Variants in PCDHGA12 observed in about 807,000 individuals in gnomAD.
The protein encoded by PCDHGA12 is protocadherin gamma-A12.
In PCDHGA12, 43 loss-of-function variants were observed where a neutral mutation model predicts 61.1. The ratio of observed to expected loss-of-function variants is 0.70; its 90% CI spans 0.55 to 0.91. The LOEUF (loss-of-function observed/expected upper bound fraction) is 0.91. Among genes scored for constraint, PCDHGA12 ranks in the 40% least tolerant of loss-of-function variants. PCDHGA12 has a pLI of 0.00. For synonymous variants in PCDHGA12, 520 were observed against 542.9 expected (o/e 0.96, Z 0.59); for missense variants, 1,236 against 1,227.7 (o/e 1.01, Z -0.10).
chr5:141,455,759 A>G (rs1013283124), intron 1 of PCDHGA12, among the ~76,000 whole-genome samples: 4 of 152,300 alleles, frequency 2.6e-5, no homozygotes, highest in South Asian at 4.1e-4. Context: ...CCTGGCTCCT[A>G]GAGCCGGGGC....
intron 1 of PCDHGA12, among the ~76,000 whole-genome samples, chr5:141,492,356 G>A (rs2099739649): frequency 6.6e-6 from 1 of 152,198 alleles, no homozygotes; most frequent in Non-Finnish European, 1.5e-5. Context: ...ACTGCCACTC[G>A]CTCGCGGCCA....
chr5:141,477,719 T>C lies in PCDHGA12; in HGVS notation c.2425-17088T>C. 6.2e-7 allele frequency: 1 copy of C among 1,613,876 alleles called. No individual in the cohort carries two copies. Among genetic ancestry groups the C allele is most frequent in the Non-Finnish European group, 8.5e-7 (1 of 1,180,028 alleles). ...CTATGAGGATCGGCGGGAATTTGAA[T>C]TAACAGCTCATATCAGCGATGGGGG... On this transcript the variant is annotated intron_variant, in intron 1 of 3. Transcript: ENST00000252085. The surrounding 1 kb of genome is among the most constrained non-coding windows in gnomAD (Gnocchi z 4.9).
intron 1 of PCDHGA12, among the ~76,000 whole-genome samples, chr5:141,472,869 C>T (rs919331906): frequency 6.6e-6 from 1 of 151,388 alleles, no homozygotes; most frequent in Non-Finnish European, 1.5e-5. Context: ...GCCTGTATTC[C>T]CAGCTACTCG....
chr5:141,505,363 T>A, intron 2 of PCDHGA12, 30 bp from the exon 3 acceptor site: 1 of 1,613,360 alleles, frequency 6.2e-7, no homozygotes, highest in Non-Finnish European at 8.5e-7. Context: ...GGCCTGGGAG[T>A]CTGTGCTCAC....
intron 1 of PCDHGA12, among the ~76,000 whole-genome samples, chr5:141,453,864 G>A (rs758778743): frequency 2.6e-5 from 4 of 152,192 alleles, no homozygotes; most frequent in Non-Finnish European, 5.9e-5. Context: ...GAAAATAACA[G>A]ATGAGCAAAA....
At chr5:141,507,442 C>T (rs748782097) in intron 3 of PCDHGA12, among the ~76,000 whole-genome samples, 1 of 152,162 alleles carries the variant, frequency 6.6e-6, no homozygotes, top group African/African-American at 2.4e-5. Flanking sequence ...CTACAGCTGA[C>T]GGAAGGACAG....
chr5:141,483,243 ATATATCATGAGGTTTTTTTGTT>A (rs555469799), intron 1 of PCDHGA12, among the ~76,000 whole-genome samples: 11 of 151,654 alleles, frequency 7.3e-5, no homozygotes, highest in African/African-American at 2.2e-4. Context: ...ACTGATATGC[ATATATCATGAGGTTTTTTTGTT>A]TTAGAAATAT....
At chr5:141,484,135 A>G (rs181630887) in intron 1 of PCDHGA12, among the ~76,000 whole-genome samples, 6 of 152,270 alleles carry the variant, frequency 3.9e-5, no homozygotes, top group Admixed American at 1.3e-4. Flanking sequence ...GTGTCAGATA[A>G]AGGGAATTTG....
At position 141,496,642 on chromosome 5, in the gene PCDHGA12, G is replaced by C. The variant is rs1053400475; in HGVS notation, c.2483+1777G>C. Among the ~76,000 whole-genome samples the C allele has an allele frequency of 6.6e-5, 10 of 152,318 alleles. No individual in the cohort carries two copies. In the East Asian group the frequency reaches 1.5e-3, roughly 24 times the overall value. ...AGATCAAAAGGCTTGGGCTGCCCTT[G>C]CCCTTCCTTTGACCCCAGCTGTTGT... On this transcript the variant is annotated intron_variant, in intron 2 of 3. Transcript: ENST00000252085.
chr5:141,433,358 C>CCTATCTAT (rs3074541), intron 1 of PCDHGA12, 175 bp downstream of exon 1: 29,853 of 503,480 alleles, frequency 0.059, 1,017 homozygotes, highest in East Asian at 0.071. Context: ...CTACTGTCTG[C>CCTATCTAT]CTATCTATCT....
chr5:141,506,506 C>T (rs1279198463), intron 3 of PCDHGA12, among the ~76,000 whole-genome samples: 2 of 151,030 alleles, frequency 1.3e-5, no homozygotes. Context: ...GATTCAAATC[C>T]TGGCACCTGG....
Position 141,489,245 on chromosome 5 carries a change from G to A in PCDHGA12, c.2425-5562G>A, listed in dbSNP as rs773391205. 3 of 1,536,634 alleles carry A rather than the reference G, an allele frequency of 2.0e-6. No homozygotes were observed. The South Asian group carries it at 3.9e-5, about 20-fold the overall frequency. On this transcript the variant is annotated intron_variant, in intron 1 of 3. Transcript: ENST00000252085. The surrounding 1 kb of genome is among the most constrained non-coding windows in gnomAD (Gnocchi z 4.5). The stretch of plus-strand genomic sequence containing the variant: ...CCACAAAGGGACTTCTGGGTCATGG[G>A]GCCCAAGACACTCCCACAGCTCGCT...
At chr5:141,460,150 T>G (rs1169568683) in intron 1 of PCDHGA12, among the ~76,000 whole-genome samples, 1 of 152,106 alleles carries the variant, frequency 6.6e-6, no homozygotes, top group East Asian at 1.9e-4. Context: ...ATGTGAGCTC[T>G]TTGTCACATA....
chr5:141,460,834 A>G (rs757757290), intron 1 of PCDHGA12, among the ~76,000 whole-genome samples: 11 of 151,874 alleles, frequency 7.2e-5, no homozygotes, highest in Non-Finnish European at 1.3e-4. Context: ...CACTTAAAGT[A>G]ATGGCCTCCA....
At chr5:141,499,019 AGGAAGGAAGAAAAG>A (rs2099788655) in intron 2 of PCDHGA12, among the ~76,000 whole-genome samples, 1 of 150,840 alleles carries the variant, frequency 6.6e-6, no homozygotes, top group Non-Finnish European at 1.5e-5. Flanking sequence ...GAAGGAAGGA[AGGAAGGAAGAAAAG>A]AAAGAAAAAG....
intron 1 of PCDHGA12, among the ~76,000 whole-genome samples, chr5:141,449,543 C>T (rs377524476): frequency 2.7e-5 from 4 of 147,148 alleles, no homozygotes; most frequent in Non-Finnish European, 4.5e-5. Context: ...GAGCCGAGAT[C>T]GCACCACTGC....
rs556656447 is a variant in PCDHGA12 at position 141,500,319 on chromosome 5, C to CT, written c.2484-5073dup. Among the ~76,000 whole-genome samples the CT allele has an allele frequency of 2.6e-5, 4 of 152,122 alleles. No homozygotes were observed. The South Asian group carries it at 8.3e-4, about 32-fold the overall frequency. Reference sequence around the variant, plus strand: ...CGCCTCCCAGGTTCACGCCATGCTCCTGCCTCAGCCTCCAGAATAGCTGGG... The same window carrying CT: ...CGCCTCCCAGGTTCACGCCATGCTCCTTGCCTCAGCCTCCAGAATAGCTGGG... On this transcript the variant is annotated intron_variant, in intron 2 of 3. Coordinates refer to ENST00000252085, the MANE Select transcript of PCDHGA12 (RefSeq NM_003735.3).
At chr5:141,445,357 G>A (rs115045385) in intron 1 of PCDHGA12, among the ~76,000 whole-genome samples, 18 of 152,258 alleles carry the variant, frequency 1.2e-4, no homozygotes, top group Admixed American at 1.1e-3. Context: ...GTCTGCCCAA[G>A]TCTGGTCCTG....
rs1464357405 is a variant in PCDHGA12 at position 141,476,385 on chromosome 5, A to G, written c.2425-18422A>G. On this transcript the variant is annotated intron_variant, in intron 1 of 3. Coordinates refer to ENST00000252085, the MANE Select transcript of PCDHGA12 (RefSeq NM_003735.3). The surrounding 1 kb of genome is among the most constrained non-coding windows in gnomAD (Gnocchi z 7.6). ...GAGACCGGAGAGATGTTTGTGAACG[A>G]CCGTCTGGATCGAGAGGAGCTGTGT... The G allele has an allele frequency of 4.3e-6, 7 of 1,614,062 alleles. No homozygotes were observed. The highest frequency in any genetic ancestry group is 5.9e-6 in the Non-Finnish European group (7 of 1,180,020).
Sources: allele counts gnomAD v4.1 joint callset (sites outside exome capture counted in the v4.1 genomes callset), GRCh38; gene constraint gnomAD v4.1.1; non-coding constraint Gnocchi (gnomAD v3.1); transcripts MANE v1.5; gene names NCBI Gene and HGNC (gene_info 2026-07-23, HGNC 2026-07-21).